The following DENND4C variants were observed in gnomAD, a reference collection of about 807,000 sequenced individuals.
DENND4C encodes the protein DENN domain containing 4C.
Under a neutral mutation model 203.0 loss-of-function variants are expected in DENND4C, and 108 were observed. The observed-to-expected ratio is 0.53, with a 90% confidence interval of 0.46 to 0.62. The LOEUF is 0.62. DENND4C is among the 20% of genes least tolerant of loss of function. The pLI is 0.00. For synonymous variants in DENND4C, 871 were observed against 792.4 expected, an observed-to-expected ratio of 1.10 and a Z score of -1.67; for missense variants, 2,481 against 2,301.2, an observed-to-expected ratio of 1.08 and a Z score of -1.60.
chr9:19,357,362 T>A (rs912479083), intron 27 of DENND4C: 6 of 501,228 alleles, frequency 1.2e-5, no homozygotes, highest in African/African-American at 9.8e-5. Flanking sequence ...TTTACAGTTG[T>A]CTTTTACAAA....
intron 5 of DENND4C, chr9:19,291,191 G>A (rs927277270): frequency 1.9e-5 from 4 of 205,242 alleles, no homozygotes; most frequent in Non-Finnish European, 4.0e-5. Context: ...CAATTAAAAA[G>A]CAGGGTTAGA....
intron 1 of DENND4C, among the ~76,000 whole-genome samples, chr9:19,232,600 A>C (rs149057639): frequency 2.0e-5 from 3 of 152,182 alleles, no homozygotes; most frequent in Non-Finnish European, 2.9e-5. Context: ...TATTGTCGAG[A>C]GTAAATACAG....
At chr9:19,284,483 A>G (rs2131057776) in intron 2 of DENND4C, among the ~76,000 whole-genome samples, 1 of 152,310 alleles carries the variant, frequency 6.6e-6, no homozygotes, top group East Asian at 1.9e-4. Context: ...CCTAGAAAAA[A>G]TTGCTGGATT....
intron 30 of DENND4C, 76 bp downstream of exon 30, chr9:19,362,039 C>A: frequency 1.1e-6 from 1 of 870,514 alleles, no homozygotes; most frequent in Non-Finnish European, 1.8e-6. Context: ...TTTGGGAGGC[C>A]TAGGCTGGCG....
chr9:19,311,995 G>A (rs988621293), intron 10 of DENND4C, among the ~76,000 whole-genome samples: 1 of 152,184 alleles, frequency 6.6e-6, no homozygotes, highest in African/African-American at 2.4e-5. Flanking sequence ...GAAAAATCCA[G>A]ATGTCCCAGA....
chr9:19,345,147 A>G (rs978420338), intron 22 of DENND4C, among the ~76,000 whole-genome samples: 2 of 152,338 alleles, frequency 1.3e-5, no homozygotes, highest in Non-Finnish European at 2.9e-5. Flanking sequence ...TAATGATTCA[A>G]ATAGGAAATA....
At chr9:19,339,728 A>G (rs955532302) in intron 20 of DENND4C, among the ~76,000 whole-genome samples, 2 of 152,246 alleles carry the variant, frequency 1.3e-5, no homozygotes, top group African/African-American at 4.8e-5. Context: ...TAAATTTGGC[A>G]TCCATTGATG....
Position 19,248,484 on chromosome 9 carries a change from G to T in DENND4C, c.-18+17651G>T, listed in dbSNP as rs558320942. On this transcript the variant is annotated intron_variant, in intron 1 of 32. Coordinates refer to ENST00000434457, the MANE Select transcript of DENND4C (RefSeq NM_001330640.2). ...GGCTCACCGCAACCTCCGCCTCCTG[G>T]GTTCAAGCGATTCTCCTGCCTCAGC... Among the ~76,000 whole-genome samples, 17 of 152,110 alleles carry T rather than the reference G, an allele frequency of 1.1e-4. No individual in the cohort carries two copies. The South Asian group carries it at 3.1e-3, about 28-fold the overall frequency.
intron 9 of DENND4C, among the ~76,000 whole-genome samples, 160 bp from the exon 10 acceptor site, chr9:19,305,192 T>G (rs1449078508): frequency 1.3e-5 from 2 of 152,216 alleles, no homozygotes; most frequent in Non-Finnish European, 2.9e-5. Flanking sequence ...TTAGCATTGC[T>G]TAGTAGTATT....
chr9:19,289,423 C>CA (rs1835829224), intron 4 of DENND4C, among the ~76,000 whole-genome samples: 1 of 152,064 alleles, frequency 6.6e-6, no homozygotes, highest in African/African-American at 2.4e-5. Flanking sequence ...AATTCATATC[C>CA]AAAAAATCGT....
At chr9:19,250,886 C>T (rs915853112) in intron 1 of DENND4C, among the ~76,000 whole-genome samples, 1 of 152,216 alleles carries the variant, frequency 6.6e-6, no homozygotes, top group Non-Finnish European at 1.5e-5. Flanking sequence ...GGGTACCTAG[C>T]CTCCCTCCGG....
At chr9:19,323,678 T>C (rs901638592) in intron 12 of DENND4C, among the ~76,000 whole-genome samples, 12 of 152,128 alleles carry the variant, frequency 7.9e-5, no homozygotes, top group Non-Finnish European at 2.9e-5. Flanking sequence ...ACAGAAATAA[T>C]GGTCTTGCAA....
intron 10 of DENND4C, among the ~76,000 whole-genome samples, chr9:19,306,589 T>G (rs1839700630): frequency 6.6e-6 from 1 of 152,108 alleles, no homozygotes; most frequent in Admixed American, 6.5e-5. Flanking sequence ...TGATTATTTG[T>G]GAAGTTAATA....
chr9:19,275,392 G>A (rs10757045), intron 1 of DENND4C, among the ~76,000 whole-genome samples: 150,863 of 150,878 alleles, frequency 1, 75,424 homozygotes, highest in Middle Eastern at 1. Flanking sequence ...TTCCGGGGTC[G>A]AGCGATTCTC....
intron 5 of DENND4C, 82 bp downstream of exon 5, chr9:19,290,958 G>A: frequency 1.5e-6 from 2 of 1,354,976 alleles, no homozygotes; most frequent in Non-Finnish European, 2.0e-6. Context: ...TTATTTGAAT[G>A]TTAGGATTAT....
Position 19,351,557 on chromosome 9 carries a change from T to C in DENND4C, c.4496-516T>C, listed in dbSNP as rs376317497. 3.3e-5 allele frequency among the ~76,000 whole-genome samples: 5 copies of C among 152,212 alleles called. No individual in the cohort carries two copies. In the East Asian group the frequency reaches 7.7e-4, roughly 24 times the overall value. ...ACACAGTGGCTCATGCCTGTAATCC[T>C]AGCACTTCGGGAGGCAAGGCGGGTG... On this transcript the variant is annotated intron_variant, in intron 24 of 32. Transcript: ENST00000434457.
At chr9:19,325,404 T>A (rs1208928540) in intron 13 of DENND4C, among the ~76,000 whole-genome samples, 2 of 152,138 alleles carry the variant, frequency 1.3e-5, no homozygotes, top group Admixed American at 1.3e-4. Context: ...TTATGCAAAC[T>A]GTATATTATA....
upstream of DENND4C, chr9:19,230,692 C>G (rs1364198940): frequency 6.6e-6 from 1 of 152,188 alleles, no homozygotes; most frequent in Non-Finnish European, 1.5e-5. Flanking sequence ...GGCGCAGGCG[C>G]AGACCGGACT....
rs1447072718 is a variant in DENND4C at position 19,373,703 on chromosome 9, A to C, written c.*1530A>C. Among the ~76,000 whole-genome samples, 1 of 152,180 alleles carries C rather than the reference A, an allele frequency of 6.6e-6. No individual in the cohort carries two copies. The highest frequency in any genetic ancestry group is 6.5e-5 in the Admixed American group (1 of 15,278). On this transcript the variant is annotated 3_prime_UTR_variant, in exon 33 of 33. Transcript: ENST00000434457. ...CCCTTAGGAACAGTAAGTTTGCCTT[A>C]ACTCTCTGCATGGTTTAAAAAGCCA...
Sources: gnomAD v4.1 joint callset for allele counts (sites outside exome capture counted in the v4.1 genomes callset) on GRCh38, gnomAD v4.1.1 for gene constraint, MANE v1.5 for transcripts, NCBI Gene and HGNC (gene_info 2026-07-23, HGNC 2026-07-21) for gene names.